The following PTPRG variants were observed in gnomAD, a reference collection of about 807,000 sequenced individuals.
The protein encoded by PTPRG is receptor-type tyrosine-protein phosphatase gamma.
In PTPRG, 102 loss-of-function variants were observed where a neutral mutation model predicts 165.3. The observed-to-expected ratio is 0.62, with a 90% CI of 0.53 to 0.73. PTPRG has a LOEUF of 0.73. Ranked by LOEUF, PTPRG falls within the 30% of genes least tolerant of loss-of-function variation. The pLI, the probability that PTPRG is intolerant of heterozygous loss-of-function variation, is 0.00. For synonymous variants in PTPRG, 675 were observed against 669.5 expected, an observed-to-expected ratio of 1.01 and a Z score of -0.13; for missense variants, 1,866 against 1,861.4, an observed-to-expected ratio of 1.00 and a Z score of -0.05.
intron 1 of PTPRG, among the ~76,000 whole-genome samples, chr3:61,705,829 C>G (rs1466769941): frequency 6.6e-6 from 1 of 152,176 alleles, no homozygotes. Context: ...GTGAGGTGCC[C>G]TCTTCAATGG....
intron 2 of PTPRG, among the ~76,000 whole-genome samples, chr3:61,983,474 G>A (rs1161917116): frequency 3.3e-5 from 5 of 152,096 alleles, no homozygotes; most frequent in African/African-American, 1.2e-4. Flanking sequence ...ACTAGAAACA[G>A]CACATAACAT....
intron 1 of PTPRG, among the ~76,000 whole-genome samples, chr3:61,633,024 C>T (rs1553642637): frequency 6.6e-6 from 1 of 152,210 alleles, no homozygotes; most frequent in Non-Finnish European, 1.5e-5. Flanking sequence ...GAGTCATCCC[C>T]ACCATCCTTC....
Position 61,562,262 on chromosome 3 carries a change from C to G in PTPRG, c.-26C>G, listed in dbSNP as rs747596127. 2.4e-5 allele frequency: 39 copies of G among 1,607,274 alleles called. No individual in the cohort carries two copies. The highest frequency in any genetic ancestry group is 3.1e-5 in the Non-Finnish European group (36 of 1,174,034). Reference sequence around the variant, plus strand: ...TTCAACAAGTTTACCTCCCTGCTTTCCTCTTTTCGATGTGCGTTTTCGGAC... The same window carrying G: ...TTCAACAAGTTTACCTCCCTGCTTTGCTCTTTTCGATGTGCGTTTTCGGAC... On this transcript the variant is annotated 5_prime_UTR_variant, in exon 1 of 30. Transcript: ENST00000474889.
chr3:61,943,429 A>G (rs1016318082), intron 2 of PTPRG, among the ~76,000 whole-genome samples: 1 of 152,124 alleles, frequency 6.6e-6, no homozygotes, highest in African/African-American at 2.4e-5. Flanking sequence ...CGTCTCTACT[A>G]AAAAATATCA....
At chr3:62,000,576 A>G (rs1245814276) in intron 3 of PTPRG, among the ~76,000 whole-genome samples, 1 of 152,202 alleles carries the variant, frequency 6.6e-6, no homozygotes, top group African/African-American at 2.4e-5. Flanking sequence ...AAGCCTTCTC[A>G]CTTGCCTGCT....
intron 1 of PTPRG, among the ~76,000 whole-genome samples, chr3:61,612,084 A>G (rs1479448961): frequency 6.6e-6 from 1 of 152,068 alleles, no homozygotes; most frequent in East Asian, 1.9e-4. Flanking sequence ...CTGGGACAAC[A>G]GGCGCCTGCC....
intron 5 of PTPRG, among the ~76,000 whole-genome samples, chr3:62,131,307 C>A (rs914314895): frequency 1.3e-5 from 2 of 152,140 alleles, no homozygotes; most frequent in Admixed American, 6.5e-5. Context: ...AGGGCAATAT[C>A]TCCCCCATTT....
intron 1 of PTPRG, among the ~76,000 whole-genome samples, chr3:61,682,781 A>G (rs1188232021): frequency 1.3e-5 from 2 of 152,198 alleles, no homozygotes; most frequent in Non-Finnish European, 2.9e-5. Flanking sequence ...GCTAATTGTG[A>G]TGTCACAAAT....
chr3:61,833,098 C>T (rs376959141), intron 2 of PTPRG, among the ~76,000 whole-genome samples: 2 of 97,060 alleles, frequency 2.1e-5, no homozygotes, highest in South Asian at 2.9e-4. Context: ...TGTGTGTGTA[C>T]ACAGTTTCTT....
At chr3:61,753,143 A>AG (rs1467354454) in intron 2 of PTPRG, among the ~76,000 whole-genome samples, 2 of 152,200 alleles carry the variant, frequency 1.3e-5, no homozygotes, top group Non-Finnish European at 2.9e-5. Context: ...CTAGTAAAAA[A>AG]GGGGGACATA....
At chr3:61,995,682 G>GCCTGCCTT (rs1553702212) in intron 3 of PTPRG, among the ~76,000 whole-genome samples, 104 of 72,794 alleles carry the variant, frequency 1.4e-3, no homozygotes, top group Admixed American at 7.7e-3. Flanking sequence ...CTGCCCGCCC[G>GCCTGCCTT]CCTTCCTTCC....
chr3:61,727,824 C>G (rs2032326675), intron 1 of PTPRG, among the ~76,000 whole-genome samples: 1 of 152,214 alleles, frequency 6.6e-6, no homozygotes, highest in Non-Finnish European at 1.5e-5. Flanking sequence ...TACCATGACA[C>G]TGAAATTTCG....
intron 4 of PTPRG, among the ~76,000 whole-genome samples, chr3:62,039,508 G>C (rs1700059845): frequency 6.6e-6 from 1 of 152,096 alleles, no homozygotes; most frequent in Admixed American, 6.5e-5. Flanking sequence ...TGTGATGGGT[G>C]TTTATTCTAC....
chr3:61,564,237 C>T (rs1699848564), intron 1 of PTPRG, among the ~76,000 whole-genome samples: 2 of 152,226 alleles, frequency 1.3e-5, no homozygotes, highest in Admixed American at 1.3e-4. Flanking sequence ...TGAGCGGGCT[C>T]AGGTGCACAC....
intron 15 of PTPRG, among the ~76,000 whole-genome samples, chr3:62,249,454 A>C (rs927160173): frequency 2.6e-5 from 4 of 152,108 alleles, no homozygotes; most frequent in African/African-American, 9.7e-5. Flanking sequence ...CCCAAGTACT[A>C]TGCTAGGGCT....
chr3:61,966,169 C>T (rs149483854), intron 2 of PTPRG, among the ~76,000 whole-genome samples: 76 of 152,216 alleles, frequency 5.0e-4, no homozygotes, highest in African/African-American at 1.8e-3. Flanking sequence ...ATTTGGTTAT[C>T]GAGTTTAACT....
intron 4 of PTPRG, among the ~76,000 whole-genome samples, chr3:62,004,770 A>T (rs949725905): frequency 1.3e-5 from 2 of 152,226 alleles, no homozygotes; most frequent in African/African-American, 4.8e-5. Flanking sequence ...CACTGGTAAC[A>T]TATGTTAATC....
At chr3:62,123,360 C>T (rs190292942) in intron 5 of PTPRG, among the ~76,000 whole-genome samples, 2 of 152,186 alleles carry the variant, frequency 1.3e-5, no homozygotes, top group South Asian at 2.1e-4. Context: ...ATCCTCCCGT[C>T]TCAGCCTCTG....
intron 1 of PTPRG, among the ~76,000 whole-genome samples, chr3:61,610,521 G>A (rs1701134634): frequency 6.6e-6 from 1 of 152,106 alleles, no homozygotes; most frequent in Admixed American, 6.5e-5. Flanking sequence ...CGTAGCAGAT[G>A]GATAAAGAGA....
Sources: allele counts gnomAD v4.1 joint callset (sites outside exome capture counted in the v4.1 genomes callset), GRCh38; gene constraint gnomAD v4.1.1; transcripts MANE v1.5; gene names NCBI Gene and HGNC (gene_info 2026-07-23, HGNC 2026-07-21).